The following KCND2 variants were observed in gnomAD, a reference collection of about 807,000 sequenced individuals.
KCND2 encodes A-type voltage-gated potassium channel KCND2.
Under a neutral mutation model 54.4 loss-of-function variants are expected in KCND2, and 16 were observed. That is an observed-to-expected ratio of 0.29 (90% CI 0.20 to 0.45). The LOEUF is 0.45. KCND2 is among the 20% of genes least tolerant of loss of function. The pLI, the probability that KCND2 is intolerant of heterozygous loss-of-function variation, is 1.00. For synonymous variants in KCND2, 317 were observed against 310.7 expected, an observed-to-expected ratio of 1.02 and a Z score of -0.21; for missense variants, 486 against 824.2, an observed-to-expected ratio of 0.59 and a Z score of 5.02.
intron 1 of KCND2, among the ~76,000 whole-genome samples, chr7:120,466,925 A>T (rs1046405394): frequency 6.6e-6 from 1 of 152,106 alleles, no homozygotes; most frequent in Non-Finnish European, 1.5e-5. Flanking sequence ...TCTCCAGAGC[A>T]TGTCATTTCA....
At chr7:120,456,957 G>A (rs1177526150) in intron 1 of KCND2, among the ~76,000 whole-genome samples, 1 of 152,198 alleles carries the variant, frequency 6.6e-6, no homozygotes, top group Admixed American at 6.5e-5. Context: ...CTAGATGGAG[G>A]TTCCACAACC....
At chr7:120,325,117 A>G (rs1276623141) in intron 1 of KCND2, among the ~76,000 whole-genome samples, 1 of 146,922 alleles carries the variant, frequency 6.8e-6, no homozygotes, top group African/African-American at 2.5e-5. Flanking sequence ...TTGTTGGTGT[A>G]TAAGAATGCT....
chr7:120,733,244 C>A (rs1244952963), intron 2 of KCND2, among the ~76,000 whole-genome samples, 179 bp downstream of exon 2: 1 of 152,086 alleles, frequency 6.6e-6, no homozygotes, highest in Non-Finnish European at 1.5e-5. Context: ...AAACAATAAG[C>A]AATATTTCTG....
At chr7:120,504,312 G>A (rs985869580) in intron 1 of KCND2, among the ~76,000 whole-genome samples, 4 of 151,706 alleles carry the variant, frequency 2.6e-5, no homozygotes, top group Non-Finnish European at 5.9e-5. Flanking sequence ...CCCTTATTAG[G>A]CTAACAAAAT....
intron 1 of KCND2, among the ~76,000 whole-genome samples, chr7:120,637,578 A>G (rs1793320826): frequency 6.6e-6 from 1 of 152,116 alleles, no homozygotes; most frequent in Non-Finnish European, 1.5e-5. Context: ...ATTTCTATCC[A>G]TTTCTGATAT....
chr7:120,489,919 C>T (rs1490848358), intron 1 of KCND2, among the ~76,000 whole-genome samples: 2 of 152,080 alleles, frequency 1.3e-5, no homozygotes, highest in African/African-American at 4.8e-5. Flanking sequence ...TTTAATCCAA[C>T]ACCTACCCTG....
rs562242303 is a variant in KCND2, at chr7:120,484,168, C to A, written c.1115+208421C>A. ...AGTGCCGCCTTGGAGATAGGAAATG[C>A]GGGCAGGACTCGTGAGGGTACAGGA... is the stretch of plus-strand genomic sequence containing the variant. On this transcript the variant is annotated intron_variant, in intron 1 of 5. Transcript: ENST00000331113. Among the ~76,000 whole-genome samples, 5 of 152,020 alleles carry A rather than the reference C, an allele frequency of 3.3e-5. No homozygotes were observed. In the East Asian group the frequency reaches 9.7e-4, roughly 29 times the overall value.
chr7:120,294,042 A>T (rs1179433081), intron 1 of KCND2, among the ~76,000 whole-genome samples: 1 of 151,996 alleles, frequency 6.6e-6, no homozygotes, highest in Non-Finnish European at 1.5e-5. Flanking sequence ...GTGATTTGCA[A>T]AGTTTAAGAT....
At chr7:120,542,109 C>A (rs1791986541) in intron 1 of KCND2, among the ~76,000 whole-genome samples, 1 of 150,232 alleles carries the variant, frequency 6.7e-6, no homozygotes, top group Non-Finnish European at 1.5e-5. Flanking sequence ...GTAAATATAA[C>A]CTGAAACTTT....
chr7:120,523,580 CAT>C (rs1791728362), intron 1 of KCND2, among the ~76,000 whole-genome samples: 1 of 148,594 alleles, frequency 6.7e-6, no homozygotes. Flanking sequence ...CAAAAAAAAA[CAT>C]ACACACACAC....
chr7:120,480,026 G>A (rs1045629531), intron 1 of KCND2, among the ~76,000 whole-genome samples: 6 of 149,032 alleles, frequency 4.0e-5, no homozygotes, highest in Non-Finnish European at 8.9e-5. Flanking sequence ...AACTAGAAAT[G>A]TATTTAACTG....
At chr7:120,600,991 T>G (rs1250474407) in intron 1 of KCND2, among the ~76,000 whole-genome samples, 1 of 152,128 alleles carries the variant, frequency 6.6e-6, no homozygotes, top group Admixed American at 6.6e-5. Context: ...TTGTATATTT[T>G]CCTTAGGATT....
rs1029069705 is a variant in KCND2 at position 120,658,016 on chromosome 7, T to A, written c.1116-74887T>A. ...AAAGGATTTTTCTAGCATATATAAG[T>A]AAATTTATTAAGAGAAGCTAATAAA... On this transcript the variant is annotated intron_variant, in intron 1 of 5. Transcript: ENST00000331113. Among the ~76,000 whole-genome samples the A allele has an allele frequency of 2.2e-4, 33 of 152,348 alleles. 1 individual carries two copies. The highest frequency in any genetic ancestry group is 7.9e-4 in the African/African-American group (33 of 41,576).
chr7:120,642,479 T>C (rs984931959), intron 1 of KCND2, among the ~76,000 whole-genome samples: 34 of 151,244 alleles, frequency 2.2e-4, no homozygotes, highest in African/African-American at 7.7e-4. Context: ...CAAGAATCAC[T>C]TGAACCCGGG....
At chr7:120,426,072 T>C (rs1042302647) in intron 1 of KCND2, among the ~76,000 whole-genome samples, 3 of 152,102 alleles carry the variant, frequency 2.0e-5, no homozygotes, top group Non-Finnish European at 4.4e-5. Context: ...ATTGTATTTT[T>C]AAAAATGAAT....
chr7:120,490,967 A>C (rs1243151047), intron 1 of KCND2, among the ~76,000 whole-genome samples: 3 of 152,094 alleles, frequency 2.0e-5, no homozygotes, highest in African/African-American at 7.2e-5. Flanking sequence ...CAAACCAAAA[A>C]ATGGGATTTA....
At chr7:120,427,878 A>G (rs1004498074) in intron 1 of KCND2, among the ~76,000 whole-genome samples, 13 of 152,062 alleles carry the variant, frequency 8.5e-5, no homozygotes, top group African/African-American at 2.7e-4. Context: ...CAAGACTATC[A>G]TTTTTGTAGT....
chr7:120,440,390 C>T (rs1229599223), intron 1 of KCND2, among the ~76,000 whole-genome samples: 1 of 151,820 alleles, frequency 6.6e-6, no homozygotes, highest in African/African-American at 2.4e-5. Flanking sequence ...GGAAATTAAC[C>T]CTTTGTCAGA....
intron 1 of KCND2, among the ~76,000 whole-genome samples, chr7:120,678,913 C>T (rs1222812205): frequency 6.6e-6 from 1 of 151,340 alleles, no homozygotes; most frequent in Admixed American, 6.6e-5. Context: ...CTTGACTTTA[C>T]TGTTATACTT....
Sources: allele counts gnomAD v4.1 joint callset (sites outside exome capture counted in the v4.1 genomes callset), GRCh38; gene constraint gnomAD v4.1.1; transcripts MANE v1.5; gene names NCBI Gene and HGNC (gene_info 2026-07-23, HGNC 2026-07-21).